Variants in SEZ6L observed in about 807,000 individuals in gnomAD.
SEZ6L encodes seizure 6-like protein.
SEZ6L carries 37 observed loss-of-function variants against 106.2 expected under a neutral mutation model. The ratio of observed to expected loss-of-function variants is 0.35; its 90% CI spans 0.27 to 0.46. The LOEUF (loss-of-function observed/expected upper bound fraction) is 0.46, where lower values mean the gene tolerates loss of function less well. Among genes scored for constraint, SEZ6L ranks in the 20% least tolerant of loss-of-function variants. The probability of loss-of-function intolerance (pLI) is 1.00; values close to 1 mark genes in which losing one functional copy is unlikely to be tolerated. For missense variants in SEZ6L, 1,172 were observed against 1,332.8 expected (o/e 0.88, Z 1.88); for synonymous variants, 541 against 570.4 (o/e 0.95, Z 0.73).
At chr22:26,323,885 C>T (rs1434283840) in intron 9 of SEZ6L, among the ~76,000 whole-genome samples, 1 of 152,064 alleles carries the variant, frequency 6.6e-6, no homozygotes, top group East Asian at 1.9e-4. Flanking sequence ...TCATTTCACT[C>T]TCCAATGCAA....
chr22:26,379,858 T>A (rs2084357132), intron 16 of SEZ6L, among the ~76,000 whole-genome samples: 2 of 152,248 alleles, frequency 1.3e-5, no homozygotes, highest in Non-Finnish European at 2.9e-5. Flanking sequence ...ACTCAATGGC[T>A]TAATGCAACA....
chr22:26,280,480 G>A (rs940573934), intron 1 of SEZ6L, among the ~76,000 whole-genome samples: 78 of 152,080 alleles, frequency 5.1e-4, no homozygotes, highest in African/African-American at 1.7e-3. Context: ...GTTTTTGCAC[G>A]AAAGGTAGCA....
intron 1 of SEZ6L, among the ~76,000 whole-genome samples, chr22:26,185,731 G>A (rs1939731559): frequency 6.6e-6 from 1 of 152,048 alleles, no homozygotes; most frequent in Non-Finnish European, 1.5e-5. Flanking sequence ...TCTCATTTAA[G>A]CCACATATGA....
rs1428378804 is a variant in SEZ6L, at chr22:26,169,654, G to GCC, written c.-12_-11dup. 1 of 1,130,592 alleles carries GCC rather than the reference G, an allele frequency of 8.8e-7. No individual in the cohort carries two copies. The highest frequency in any genetic ancestry group is 1.6e-5 in the African/African-American group (1 of 61,332). 70.0% of individuals were successfully genotyped at this position (1,130,592 alleles called of 1,614,324 possible). A position where few individuals can be genotyped will look rare whatever the true frequency, so the allele number is the denominator to read the frequency against. Reference sequence around the variant, plus strand: ...CCCGCCCCACAGCCAGCGGCTCCGCGCCCCCTGCAGCCACGATGCCCGCGG... The same window carrying GCC: ...CCCGCCCCACAGCCAGCGGCTCCGCGCCCCCCCTGCAGCCACGATGCCCGCGG... On this transcript the variant is annotated 5_prime_UTR_variant, in exon 1 of 17. Coordinates refer to ENST00000248933, the MANE Select transcript of SEZ6L (RefSeq NM_021115.5).
intron 1 of SEZ6L, among the ~76,000 whole-genome samples, chr22:26,227,633 G>T (rs2078673899): frequency 6.9e-6 from 1 of 145,580 alleles, no homozygotes; most frequent in African/African-American, 2.6e-5. Context: ...TTCCCAGGCT[G>T]GTCTTGAACT....
At chr22:26,288,797 C>T (rs763774812) in intron 1 of SEZ6L, among the ~76,000 whole-genome samples, 2 of 152,128 alleles carry the variant, frequency 1.3e-5, no homozygotes, top group African/African-American at 4.8e-5. Context: ...TTTTTGTCAC[C>T]TCCTTGTGTG....
chr22:26,336,242 T>G (rs3788387), intron 9 of SEZ6L, among the ~76,000 whole-genome samples: 65,302 of 152,008 alleles, frequency 0.43, 14,939 homozygotes, highest in South Asian at 0.62. Flanking sequence ...TCCAGGAGCA[T>G]CCCTCAGTCA....
At chr22:26,291,999 G>A (rs1489380682) in intron 1 of SEZ6L, among the ~76,000 whole-genome samples, 1 of 100,570 alleles carries the variant, frequency 9.9e-6, no homozygotes, top group African/African-American at 4.8e-5. Flanking sequence ...AAGGAAGGAA[G>A]GAAGGAAGGA....
intron 1 of SEZ6L, among the ~76,000 whole-genome samples, chr22:26,255,427 T>A (rs1602180150): frequency 6.6e-6 from 1 of 152,172 alleles, no homozygotes; most frequent in East Asian, 1.9e-4. Context: ...GATTTCAAAG[T>A]GGTGTCTCCA....
chr22:26,348,920 G>A lies in SEZ6L; in HGVS notation c.2407+1007G>A, dbSNP rs557131496. Among the ~76,000 whole-genome samples, 3 of 107,392 alleles carry A rather than the reference G, an allele frequency of 2.8e-5. No homozygotes were observed. In the South Asian group the frequency reaches 1.4e-3, roughly 49 times the overall value. 70.5% of individuals were successfully genotyped at this position (107,392 alleles called of 152,430 possible). On this transcript the variant is annotated intron_variant, in intron 11 of 16. Coordinates refer to ENST00000248933, the MANE Select transcript of SEZ6L (RefSeq NM_021115.5). ...GAGGGAAGGAATGAAAGAGGGGAGG[G>A]AGGGAAGGAAGGAAGGGAGGGAGGG...
chr22:26,229,724 GACCTGGAAGCAGGTATTGTTTTGAA>G (rs567650063), intron 1 of SEZ6L, among the ~76,000 whole-genome samples: 64 of 152,340 alleles, frequency 4.2e-4, no homozygotes, highest in African/African-American at 1.5e-3. Flanking sequence ...CTGGGGATGG[GACCTGGAAGCAGGTATTGTTTTGAA>G]AGTTCCCCAG....
At chr22:26,357,278 C>A (rs1205912405) in intron 12 of SEZ6L, among the ~76,000 whole-genome samples, 1 of 152,138 alleles carries the variant, frequency 6.6e-6, no homozygotes, top group African/African-American at 2.4e-5. Flanking sequence ...CACAGCACCC[C>A]CTGTGAGTTC....
intron 6 of SEZ6L, among the ~76,000 whole-genome samples, chr22:26,306,669 A>T (rs1014543560): frequency 6.6e-6 from 1 of 152,260 alleles, no homozygotes; most frequent in South Asian, 2.1e-4. Context: ...CAGAATATGC[A>T]TAGAATCCAG....
intron 1 of SEZ6L, among the ~76,000 whole-genome samples, chr22:26,202,031 A>G (rs990154955): frequency 5.9e-5 from 9 of 152,132 alleles, no homozygotes; most frequent in East Asian, 5.8e-4. Context: ...CTCCTGCCTC[A>G]GCCTCCCAAG....
intron 1 of SEZ6L, among the ~76,000 whole-genome samples, chr22:26,211,271 T>A (rs1201610468): frequency 6.6e-6 from 1 of 152,236 alleles, no homozygotes; most frequent in Admixed American, 6.5e-5. Context: ...TGTAGTACAC[T>A]TTCAGTCCTG....
chr22:26,335,493 T>C (rs960960822), intron 9 of SEZ6L, among the ~76,000 whole-genome samples: 1 of 152,156 alleles, frequency 6.6e-6, no homozygotes, highest in South Asian at 2.1e-4. Flanking sequence ...TACACTGTTA[T>C]GTTATAGAAT....
chr22:26,200,829 C>T (rs1940891360), intron 1 of SEZ6L, among the ~76,000 whole-genome samples: 1 of 152,184 alleles, frequency 6.6e-6, no homozygotes, highest in Non-Finnish European at 1.5e-5. Context: ...CTCACTCCTA[C>T]AATCGCTCTC....
At chr22:26,282,623 G>A (rs919402333) in intron 1 of SEZ6L, among the ~76,000 whole-genome samples, 1 of 152,164 alleles carries the variant, frequency 6.6e-6, no homozygotes. Flanking sequence ...GGGACCAACC[G>A]TAGGCACAGC....
intron 1 of SEZ6L, among the ~76,000 whole-genome samples, chr22:26,207,479 A>G (rs1328517626): frequency 1.3e-5 from 2 of 152,232 alleles, no homozygotes; most frequent in Non-Finnish European, 1.5e-5. Flanking sequence ...CTGGCACATC[A>G]TAAGTCCTTA....
Sources: gnomAD v4.1 joint callset for allele counts (sites outside exome capture counted in the v4.1 genomes callset) on GRCh38, gnomAD v4.1.1 for gene constraint, MANE v1.5 for transcripts, NCBI Gene and HGNC (gene_info 2026-07-23, HGNC 2026-07-21) for gene names.